Variants in EHHADH observed in about 807,000 individuals in gnomAD.
EHHADH encodes the protein peroxisomal bifunctional enzyme.
In EHHADH, 48 loss-of-function variants were observed where a neutral mutation model predicts 64.4. The ratio of observed to expected loss-of-function variants is 0.75; its 90% CI spans 0.59 to 0.95. The LOEUF (loss-of-function observed/expected upper bound fraction) is 0.95. Ranked by LOEUF, EHHADH falls within the 40% of genes least tolerant of loss-of-function variation. The probability of loss-of-function intolerance (pLI) is 0.00; values close to 1 mark genes in which losing one functional copy is unlikely to be tolerated. For missense variants in EHHADH, 854 were observed against 876.6 expected (o/e 0.97, Z 0.33); for synonymous variants, 308 against 326.7 (o/e 0.94, Z 0.62).
Position 185,204,666 on chromosome 3 carries a change from C to T in EHHADH, c.660G>A (p.Met220Ile), listed in dbSNP as rs999471043. 3 of 1,614,100 alleles carry T rather than the reference C, an allele frequency of 1.9e-6. No individual in the cohort carries two copies. The East Asian group carries it at 6.7e-5, about 36-fold the overall frequency. ...CAAGACACCCAGGGTGCTGCCTCCG[C>T]ATCTTCAAGAGGGCCTCACTAAAAA... ...DSIFSEALLK[M>I]RRQHPGCLAQ... The change falls in exon 6 of 7, where the codon ATG becomes ATA. Residue 220 changes from methionine to isoleucine, a missense_variant. Met to Ile is a conservative substitution (Grantham distance 10, BLOSUM62 1). Transcript: ENST00000231887.
chr3:185,207,100 G>T (rs116408895), intron 5 of EHHADH, among the ~76,000 whole-genome samples: 3,243 of 152,068 alleles, frequency 0.021, 103 homozygotes, highest in African/African-American at 0.075. Context: ...ACCAACCTGG[G>T]CAACGTGGTG....
intron 1 of EHHADH, among the ~76,000 whole-genome samples, chr3:185,252,219 G>A (rs1719767677): frequency 6.6e-6 from 1 of 152,084 alleles, no homozygotes; most frequent in African/African-American, 2.4e-5. Context: ...GGCCAACATG[G>A]TGAAACCCCG....
At chr3:185,206,259 T>C (rs139950537) in intron 5 of EHHADH, among the ~76,000 whole-genome samples, 363 of 150,266 alleles carry the variant, frequency 2.4e-3, no homozygotes, top group Middle Eastern at 6.8e-3. Context: ...GTGGGATAAT[T>C]GGATATCCAC....
chr3:185,235,530 T>C, intron 2 of EHHADH, 68 bp from the exon 3 acceptor site: 1 of 1,298,256 alleles, frequency 7.7e-7, no homozygotes, highest in Non-Finnish European at 1.0e-6. Context: ...TAACAGTAAG[T>C]TACCTGATAC....
At position 185,192,783 on chromosome 3, in the gene EHHADH, G is replaced by A. The variant is rs781047369; in HGVS notation, c.1615C>T (p.Leu539Phe). 51 of 1,613,932 alleles carry A rather than the reference G, an allele frequency of 3.2e-5. No homozygotes were observed. The highest frequency in any genetic ancestry group is 8.3e-5 in the Admixed American group (5 of 59,976). Residue 539 changes from leucine (L) to phenylalanine (F), a missense_variant, in exon 7 of 7, where the codon CTT becomes TTT. Physicochemically the swap from Leu to Phe is conservative, Grantham distance 22. Transcript: ENST00000231887. ...CCTGGAAGCAATGTAGGTCCAGTAA[G>A]ACCTTGCCCCTTTCTAGATTTCCAG... ...VGWKSRKGQG[L>F]TGPTLLPGTP...
intron 5 of EHHADH, among the ~76,000 whole-genome samples, chr3:185,213,790 G>T (rs536787791): frequency 4.2e-4 from 63 of 150,510 alleles, no homozygotes; most frequent in African/African-American, 1.5e-3. Context: ...TGAAGCAGGA[G>T]AATCAATTGA....
At position 185,225,806 on chromosome 3, in the gene EHHADH, T is replaced by G. The variant is rs566560962; in HGVS notation, c.463+3626A>C. ...CCTCAGGTCTTTGTACTTGCTATTTTCTGTATGTGGGATTTCTTCCTCCAG... is the reference window on the plus strand; with the variant it reads ...CCTCAGGTCTTTGTACTTGCTATTTGCTGTATGTGGGATTTCTTCCTCCAG... On this transcript the variant is annotated intron_variant, in intron 4 of 6. Coordinates refer to ENST00000231887, the MANE Select transcript of EHHADH (RefSeq NM_001966.4). 3.3e-5 allele frequency among the ~76,000 whole-genome samples: 5 copies of G among 152,310 alleles called. No individual in the cohort carries two copies. The East Asian group carries it at 9.7e-4, about 29-fold the overall frequency.
chr3:185,193,654 T>C (rs914732026), intron 6 of EHHADH, among the ~76,000 whole-genome samples, 167 bp from the exon 7 acceptor site: 1 of 152,104 alleles, frequency 6.6e-6, no homozygotes, highest in Non-Finnish European at 1.5e-5. Context: ...TCTTAAGTGT[T>C]TCAGAGGATA....
chr3:185,220,707 T>C (rs919004872), intron 4 of EHHADH, among the ~76,000 whole-genome samples: 5 of 152,208 alleles, frequency 3.3e-5, no homozygotes, highest in Non-Finnish European at 7.3e-5. Context: ...TCTTATGACA[T>C]CGTAAGTGTA....
chr3:185,222,239 G>T (rs774083322), intron 4 of EHHADH, among the ~76,000 whole-genome samples: 4 of 151,804 alleles, frequency 2.6e-5, no homozygotes, highest in African/African-American at 4.8e-5. Flanking sequence ...TACAAACATT[G>T]GCTGGGTGTG....
chr3:185,222,552 T>G (rs1718865091), intron 4 of EHHADH, among the ~76,000 whole-genome samples: 1 of 152,224 alleles, frequency 6.6e-6, no homozygotes, highest in African/African-American at 2.4e-5. Context: ...TTTATATTTT[T>G]GCAAATTTAT....
At chr3:185,210,058 A>C (rs955813838) in intron 5 of EHHADH, among the ~76,000 whole-genome samples, 2 of 152,162 alleles carry the variant, frequency 1.3e-5, no homozygotes, top group African/African-American at 4.8e-5. Context: ...GACAATGGGG[A>C]GAGGAAGGAG....
chr3:185,253,855 G>T lies in EHHADH; in HGVS notation c.74+94C>A. 5 of 1,545,294 alleles carry T rather than the reference G, an allele frequency of 3.2e-6. No individual in the cohort carries two copies. The East Asian group carries it at 9.6e-5, about 30-fold the overall frequency. ...TGCTCAACTCTTGAGTGTCCTTCTCGGTTTAAACCGACGGGGGAGAGTCAA... is the reference window on the plus strand; with the variant it reads ...TGCTCAACTCTTGAGTGTCCTTCTCTGTTTAAACCGACGGGGGAGAGTCAA... On this transcript the variant is annotated intron_variant, in intron 1 of 6. Transcript: ENST00000231887.
At chr3:185,204,782 G>T in intron 5 of EHHADH, 25 bp from the exon 6 acceptor site, 2 of 1,548,776 alleles carry the variant, frequency 1.3e-6, no homozygotes. Context: ...AAGGATCAGA[G>T]CTTTGGAAAT....
chr3:185,232,393 TTAAA>T (rs1719159723), intron 3 of EHHADH, among the ~76,000 whole-genome samples: 1 of 152,232 alleles, frequency 6.6e-6, no homozygotes, highest in Admixed American at 6.5e-5. Context: ...TGGGAAATGG[TTAAA>T]TAAATTCTGG....
chr3:185,193,335 C>A lies in EHHADH; in HGVS notation c.1063G>T (p.Gly355Cys), dbSNP rs150744159. 6.2e-7 allele frequency: 1 copy of A among 1,613,668 alleles called. No individual in the cohort carries two copies. Residue 355 changes from glycine (G) to cysteine (C), a missense_variant, in exon 7 of 7, where the codon GGC (glycine) becomes TGC (cysteine). Coordinates refer to ENST00000231887, the MANE Select transcript of EHHADH (RefSeq NM_001966.4). ...EKEASKMQQS[G>C]HPWSGPKPRL... Reference sequence around the variant, plus strand: ...GGTTTTGGTCCTGACCAAGGGTGGCCGCTCTGTTGCATTTTGGAGGCTTCT... The same window carrying A: ...GGTTTTGGTCCTGACCAAGGGTGGCAGCTCTGTTGCATTTTGGAGGCTTCT...
intron 2 of EHHADH, among the ~76,000 whole-genome samples, chr3:185,245,135 T>C (rs1719560913): frequency 6.6e-6 from 1 of 152,238 alleles, no homozygotes; most frequent in Non-Finnish European, 1.5e-5. Flanking sequence ...TTTTTTTACA[T>C]GTTCATAATA....
rs550816599 is a variant in EHHADH at position 185,217,836 on chromosome 3, C to T, written c.568+300G>A. Among the ~76,000 whole-genome samples, 5 of 150,808 alleles carry T rather than the reference C, an allele frequency of 3.3e-5. No homozygotes were observed. In the South Asian group the frequency reaches 1.1e-3, roughly 32 times the overall value. ...ATGGAGTGCAGTGGCGCGATCTCGG[C>T]TCACTGCAAGCTCCGCCTCCCGGGT... is the stretch of plus-strand genomic sequence containing the variant. On this transcript the variant is annotated intron_variant, in intron 5 of 6. Coordinates refer to ENST00000231887, the MANE Select transcript of EHHADH (RefSeq NM_001966.4).
At chr3:185,247,327 A>G (rs1172196483) in intron 2 of EHHADH, among the ~76,000 whole-genome samples, 2 of 152,064 alleles carry the variant, frequency 1.3e-5, no homozygotes, top group African/African-American at 4.8e-5. Flanking sequence ...AGAAATATCA[A>G]GTTCTTTATC....
Sources: gnomAD v4.1 joint callset for allele counts (sites outside exome capture counted in the v4.1 genomes callset) on GRCh38, gnomAD v4.1.1 for gene constraint, MANE v1.5 for transcripts, NCBI Gene and HGNC (gene_info 2026-07-23, HGNC 2026-07-21) for gene names.